YAP1: variants seen among roughly 807,000 people sequenced by gnomAD.
The protein encoded by YAP1 is Yes1 associated transcriptional regulator, also known as transcriptional coactivator YAP1.
Under a neutral mutation model 56.9 loss-of-function variants are expected in YAP1, and 5 were observed. The ratio of observed to expected loss-of-function variants is 0.09; its 90% CI spans 0.05 to 0.18. The LOEUF is 0.18. Among genes scored for constraint, YAP1 ranks in the 10% least tolerant of loss-of-function variants. The pLI is 1.00. For synonymous variants in YAP1, 265 were observed against 248.1 expected (o/e 1.07, Z -0.64); for missense variants, 539 against 651.8 (o/e 0.83, Z 1.88).
Position 102,110,759 on chromosome 11 carries a change from C to T in YAP1, c.-90C>T. On this transcript the variant is annotated 5_prime_UTR_variant, in exon 1 of 9. Coordinates refer to ENST00000282441, the MANE Select transcript of YAP1 (RefSeq NM_001130145.3). Reference sequence around the variant, plus strand: ...GCCGCCCGGCCCGCAGCCGTCGCCGCTTCTCCACCTCGGCCCGTGGAGCCG... The same window carrying T: ...GCCGCCCGGCCCGCAGCCGTCGCCGTTTCTCCACCTCGGCCCGTGGAGCCG... 2.5e-6 allele frequency: 3 copies of T among 1,177,940 alleles called. No individual in the cohort carries two copies. Among genetic ancestry groups the T allele is most frequent in the Non-Finnish European group, 3.2e-6 (3 of 941,508 alleles). 73.0% of individuals were successfully genotyped at this position (1,177,940 alleles called of 1,614,324 possible).
chr11:102,196,499 A>G (rs555605939), intron 4 of YAP1, among the ~76,000 whole-genome samples: 3 of 152,300 alleles, frequency 2.0e-5, no homozygotes, highest in Admixed American at 6.5e-5. Flanking sequence ...ATTTTTAGAA[A>G]TGTCCAGAAT....
intron 6 of YAP1, among the ~76,000 whole-genome samples, chr11:102,222,983 G>A (rs898367244): frequency 6.6e-6 from 1 of 151,844 alleles, no homozygotes; most frequent in South Asian, 2.1e-4. Flanking sequence ...GGTGGCTCAC[G>A]TCTGTAATCC....
intron 2 of YAP1, among the ~76,000 whole-genome samples, chr11:102,147,950 C>T (rs912656116): frequency 1.3e-5 from 2 of 152,090 alleles, no homozygotes; most frequent in African/African-American, 4.8e-5. Flanking sequence ...AAAATGTCTA[C>T]TATGTAGATT....
intron 2 of YAP1, among the ~76,000 whole-genome samples, chr11:102,137,123 G>A (rs2135266490): frequency 2.0e-5 from 3 of 152,266 alleles, no homozygotes; most frequent in African/African-American, 4.8e-5. Flanking sequence ...GCCCTTTAAT[G>A]TAAATGTTTC....
rs1038661412 is a variant in YAP1 at position 102,111,454 on chromosome 11, C to T, written c.321+285C>T. 2.0e-5 allele frequency among the ~76,000 whole-genome samples: 3 copies of T among 146,888 alleles called. No individual in the cohort carries two copies. In the East Asian group the frequency reaches 6.3e-4, roughly 31 times the overall value. On this transcript the variant is annotated intron_variant, in intron 1 of 8. Coordinates refer to ENST00000282441, the MANE Select transcript of YAP1 (RefSeq NM_001130145.3). The stretch of plus-strand genomic sequence containing the variant: ...GCTTTCCCTCCTTCTTCCTTTCTTT[C>T]TTCCCGGGGTTCCCGAGAGGTTGGC...
At chr11:102,178,152 G>A (rs1463667210) in intron 3 of YAP1, among the ~76,000 whole-genome samples, 2 of 152,148 alleles carry the variant, frequency 1.3e-5, no homozygotes, top group East Asian at 1.9e-4. Context: ...GAAAAGTGCC[G>A]TGTACATAGT....
chr11:102,163,143 T>C (rs1332756035), intron 3 of YAP1, among the ~76,000 whole-genome samples: 1 of 152,160 alleles, frequency 6.6e-6, no homozygotes, highest in South Asian at 2.1e-4. Context: ...TCTTCACCTT[T>C]TTTACTAGAA....
chr11:102,156,253 A>G (rs1022673555), intron 2 of YAP1, among the ~76,000 whole-genome samples: 3 of 152,174 alleles, frequency 2.0e-5, no homozygotes, highest in African/African-American at 7.2e-5. Flanking sequence ...TTGAATTGCT[A>G]TTTTGGCTCT....
intron 3 of YAP1, among the ~76,000 whole-genome samples, chr11:102,185,089 C>T (rs1301754910): frequency 4.6e-5 from 7 of 152,216 alleles, no homozygotes; most frequent in African/African-American, 1.7e-4. Flanking sequence ...TAGCCATGTA[C>T]TGACCATCCC....
intron 2 of YAP1, among the ~76,000 whole-genome samples, chr11:102,158,830 G>A (rs1591267726): frequency 6.6e-6 from 1 of 152,172 alleles, no homozygotes; most frequent in Non-Finnish European, 1.5e-5. Flanking sequence ...TTTTGATTAT[G>A]TTGTTCAGTG....
At chr11:102,172,300 A>ATTTTTTTTTT (rs752185861) in intron 3 of YAP1, among the ~76,000 whole-genome samples, 1 of 110,820 alleles carries the variant, frequency 9.0e-6, no homozygotes, top group Non-Finnish European at 1.8e-5. Flanking sequence ...ACAGTGAAGA[A>ATTTTTTTTTT]TTTTTTTTTT....
chr11:102,194,079 A>G (rs1391841826), intron 4 of YAP1, among the ~76,000 whole-genome samples: 1 of 152,230 alleles, frequency 6.6e-6, no homozygotes. Flanking sequence ...TGCTGGGATT[A>G]CAGGCGTGAG....
intron 2 of YAP1, among the ~76,000 whole-genome samples, chr11:102,116,935 G>C (rs1463272865): frequency 6.6e-6 from 1 of 152,168 alleles, no homozygotes; most frequent in Non-Finnish European, 1.5e-5. Context: ...TGTGGGAGAA[G>C]AATGCTGTGG....
intron 5 of YAP1, among the ~76,000 whole-genome samples, chr11:102,207,410 G>T (rs1246554789): frequency 2.0e-5 from 3 of 151,634 alleles, no homozygotes; most frequent in Admixed American, 1.3e-4. Flanking sequence ...CGTCATACTC[G>T]GCCAGGCATG....
At chr11:102,141,462 G>C (rs1044385586) in intron 2 of YAP1, among the ~76,000 whole-genome samples, 2 of 152,160 alleles carry the variant, frequency 1.3e-5, no homozygotes, top group Admixed American at 1.3e-4. Flanking sequence ...ATGGTAAGAA[G>C]TGGTATGAAA....
At chr11:102,218,083 T>C (rs1949746587) in intron 6 of YAP1, among the ~76,000 whole-genome samples, 1 of 152,234 alleles carries the variant, frequency 6.6e-6, no homozygotes, top group African/African-American at 2.4e-5. Flanking sequence ...CTTTATAATT[T>C]ATTGTATATC....
At chr11:102,188,039 A>G (rs1948074443) in intron 4 of YAP1, among the ~76,000 whole-genome samples, 1 of 152,240 alleles carries the variant, frequency 6.6e-6, no homozygotes, top group South Asian at 2.1e-4. Flanking sequence ...CAGGAAAGAA[A>G]AAAACGTGTG....
At chr11:102,184,212 T>A (rs1181361350) in intron 3 of YAP1, among the ~76,000 whole-genome samples, 1 of 152,154 alleles carries the variant, frequency 6.6e-6, no homozygotes, top group East Asian at 1.9e-4. Flanking sequence ...TGCCTAAAAA[T>A]TTTAAATACA....
At position 102,218,078 on chromosome 11, in the gene YAP1, T is replaced by G. The variant is rs147436708; in HGVS notation, c.1033-5544T>G. ...AAAACTCATCAATTTATGCACTTTA[T>G]AATTTATTGTATATCCGTTATATAT... On this transcript the variant is annotated intron_variant, in intron 6 of 8. Transcript: ENST00000282441. Among the ~76,000 whole-genome samples the G allele has an allele frequency of 1.5e-3, 223 of 152,336 alleles. 1 individual carries two copies. Among genetic ancestry groups the G allele is most frequent in the Non-Finnish European group, 2.2e-3 (148 of 68,026 alleles).
Sources: gnomAD v4.1 joint callset for allele counts (sites outside exome capture counted in the v4.1 genomes callset) on GRCh38, gnomAD v4.1.1 for gene constraint, MANE v1.5 for transcripts, NCBI Gene and HGNC (gene_info 2026-07-23, HGNC 2026-07-21) for gene names.